PRR16: variants seen among roughly 807,000 people sequenced by gnomAD.
PRR16 encodes protein Largen.
Under a neutral mutation model 18.2 loss-of-function variants are expected in PRR16, and 6 were observed. That is an observed-to-expected ratio of 0.33 (90% confidence interval 0.18 to 0.65). The LOEUF is 0.65. PRR16 is among the 30% of genes least tolerant of loss of function. PRR16 has a pLI of 0.74. For missense variants in PRR16, 412 were observed against 376.6 expected (o/e 1.09, Z -0.78); for synonymous variants, 151 against 147.8 (o/e 1.02, Z -0.16).
At chr5:120,740,767 G>C in the PRR16 span, among the ~76,000 whole-genome samples, 1 of 152,084 alleles carries the variant, frequency 6.6e-6, no homozygotes, top group East Asian at 1.9e-4. Flanking sequence ...AGATTACCTT[G>C]AACATTTAGA....
the PRR16 span, among the ~76,000 whole-genome samples, chr5:120,771,372 A>C: frequency 6.6e-6 from 1 of 152,090 alleles, no homozygotes; most frequent in Non-Finnish European, 1.5e-5. Flanking sequence ...GACCATGACC[A>C]GGTATGAGCC....
At chr5:120,608,249 T>C (rs1754220602) in intron 1 of PRR16, among the ~76,000 whole-genome samples, 1 of 152,160 alleles carries the variant, frequency 6.6e-6, no homozygotes, top group Non-Finnish European at 1.5e-5. Flanking sequence ...AATATCCATT[T>C]TTTTCGTTGC....
chr5:120,773,388 T>C, the PRR16 span, among the ~76,000 whole-genome samples: 6 of 152,188 alleles, frequency 3.9e-5, no homozygotes, highest in African/African-American at 1.4e-4. Context: ...AAGTTCATAC[T>C]AACTGTTTAA....
At chr5:120,481,939 G>T (rs1749631199) in intron 1 of PRR16, among the ~76,000 whole-genome samples, 1 of 151,934 alleles carries the variant, frequency 6.6e-6, no homozygotes. Context: ...TTGACTAATG[G>T]TTCTTTTTTA....
At chr5:120,560,653 T>A (rs1199153094) in intron 1 of PRR16, among the ~76,000 whole-genome samples, 1 of 152,140 alleles carries the variant, frequency 6.6e-6, no homozygotes, top group Non-Finnish European at 1.5e-5. Flanking sequence ...CTTCATAGAA[T>A]GAGATTGTAA....
the PRR16 span, among the ~76,000 whole-genome samples, chr5:120,773,684 A>G: frequency 6.6e-6 from 1 of 152,068 alleles, no homozygotes; most frequent in Non-Finnish European, 1.5e-5. Context: ...GACTATCAGA[A>G]TCATGTGAGC....
the PRR16 span, among the ~76,000 whole-genome samples, chr5:120,692,834 G>C: frequency 6.6e-6 from 1 of 152,010 alleles, no homozygotes; most frequent in South Asian, 2.1e-4. Context: ...AATATGATGA[G>C]GATTGAGTTT....
At chr5:120,577,637 C>G (rs910974284) in intron 1 of PRR16, among the ~76,000 whole-genome samples, 1 of 152,032 alleles carries the variant, frequency 6.6e-6, no homozygotes, top group African/African-American at 2.4e-5. Flanking sequence ...GGGTAGGTAA[C>G]GTTTGGTGTG....
intron 1 of PRR16, among the ~76,000 whole-genome samples, chr5:120,665,832 C>T (rs1756354307): frequency 6.6e-6 from 1 of 152,100 alleles, no homozygotes; most frequent in African/African-American, 2.4e-5. Flanking sequence ...TGTTTTGGTA[C>T]CAGTACCATG....
intron 1 of PRR16, among the ~76,000 whole-genome samples, chr5:120,508,423 G>A (rs1750714701): frequency 6.6e-6 from 1 of 152,080 alleles, no homozygotes; most frequent in Admixed American, 6.6e-5. Flanking sequence ...ATAACTTAAA[G>A]GAGAATGTGT....
Position 120,687,147 on chromosome 5 carries a change from G to C in PRR16, c.*438G>C, listed in dbSNP as rs1230005141. 1 of 152,912 alleles carries C rather than the reference G, an allele frequency of 6.5e-6. No individual in the cohort carries two copies. The highest frequency in any genetic ancestry group is 1.9e-4 in the East Asian group (1 of 5,202). 9.5% of individuals were successfully genotyped at this position (152,912 alleles called of 1,614,324 possible). On this transcript the variant is annotated 3_prime_UTR_variant, in exon 2 of 2. Transcript: ENST00000407149. ...TATTTTATTATTTTTTTCTAAAGAT[G>C]TTTGTCACTAGTTTTTCATTATTAA...
At chr5:120,550,347 G>A (rs1232210444) in intron 1 of PRR16, among the ~76,000 whole-genome samples, 3 of 152,024 alleles carry the variant, frequency 2.0e-5, no homozygotes, top group South Asian at 4.1e-4. Context: ...ATATGGAAAA[G>A]CCCAAAGAAG....
At position 120,541,286 on chromosome 5, in the gene PRR16, C is replaced by T. The variant is rs959475764; in HGVS notation, c.159+76641C>T. Among the ~76,000 whole-genome samples, 7 of 152,274 alleles carry T rather than the reference C, an allele frequency of 4.6e-5. No homozygotes were observed. In the South Asian group the frequency reaches 1.5e-3, roughly 32 times the overall value. On this transcript the variant is annotated intron_variant, in intron 1 of 1. Coordinates refer to ENST00000407149, the MANE Select transcript of PRR16 (RefSeq NM_001300783.2). ...TCAGCCTCCTGAGTAGCTGGGATTACAGGCACATGCCACCATGCCCAGCTA... is the reference window on the plus strand; with the variant it reads ...TCAGCCTCCTGAGTAGCTGGGATTATAGGCACATGCCACCATGCCCAGCTA...
chr5:120,580,688 C>T (rs1314120788), intron 1 of PRR16, among the ~76,000 whole-genome samples: 1 of 151,982 alleles, frequency 6.6e-6, no homozygotes, highest in African/African-American at 2.4e-5. Flanking sequence ...ATCTCCTGAC[C>T]TCATGATCTG....
In PRR16 at chr5:120,640,308, A is replaced by AT. The variant is rs1160744847; in HGVS notation, c.160-45646_160-45645insT. On this transcript the variant is annotated intron_variant, in intron 1 of 1. Coordinates refer to ENST00000407149, the MANE Select transcript of PRR16 (RefSeq NM_001300783.2). Reference sequence around the variant, plus strand: ...CCCTGAACCTAAAATAAAAGTTGAAAAAAAATTCTCATGGTCATTTTAAGT... The same window carrying AT: ...CCCTGAACCTAAAATAAAAGTTGAAATAAAAATTCTCATGGTCATTTTAAGT... Among the ~76,000 whole-genome samples, 10 of 4,780 alleles carry AT rather than the reference A, an allele frequency of 2.1e-3. No individual in the cohort carries two copies. In the Non-Finnish European group the frequency reaches 0.067, roughly 32 times the overall value. The allele number at this position is 4,780 out of a possible 152,430, so 3.1% of individuals were successfully genotyped here.
At chr5:120,574,433 G>A (rs1753009732) in intron 1 of PRR16, among the ~76,000 whole-genome samples, 1 of 151,892 alleles carries the variant, frequency 6.6e-6, no homozygotes, top group African/African-American at 2.4e-5. Flanking sequence ...GCAAAACCCT[G>A]TCTCTGCTAA....
At chr5:120,781,404 G>A in the PRR16 span, 7 of 152,270 alleles carry the variant, frequency 4.6e-5, no homozygotes, top group African/African-American at 1.7e-4. Flanking sequence ...AATGCTTTTG[G>A]AGACGCATGA....
At chr5:120,597,665 T>A (rs1753857095) in intron 1 of PRR16, among the ~76,000 whole-genome samples, 2 of 151,774 alleles carry the variant, frequency 1.3e-5, no homozygotes, top group African/African-American at 2.4e-5. Flanking sequence ...AACATGATCA[T>A]AGACTATGTA....
the PRR16 span, among the ~76,000 whole-genome samples, chr5:120,724,115 C>A: frequency 6.6e-6 from 1 of 151,920 alleles, no homozygotes; most frequent in Non-Finnish European, 1.5e-5. Context: ...GCTTTTCCAA[C>A]TGGCTATTAA....
Sources: gnomAD v4.1 joint callset for allele counts (sites outside exome capture counted in the v4.1 genomes callset) on GRCh38, gnomAD v4.1.1 for gene constraint, MANE v1.5 for transcripts, NCBI Gene and HGNC (gene_info 2026-07-23, HGNC 2026-07-21) for gene names.